The following SLC44A1 variants were observed in gnomAD, a reference collection of about 807,000 sequenced individuals.
The protein encoded by SLC44A1 is choline transporter-like protein 1.
In SLC44A1, 26 loss-of-function variants were observed where a neutral mutation model predicts 79.3. The observed-to-expected ratio is 0.33, with a 90% CI of 0.24 to 0.46. The LOEUF (loss-of-function observed/expected upper bound fraction) is 0.46, where lower values mean the gene tolerates loss of function less well. SLC44A1 is among the 20% of genes least tolerant of loss of function. The probability of loss-of-function intolerance (pLI) is 1.00; values close to 1 mark genes in which losing one functional copy is unlikely to be tolerated. For synonymous variants in SLC44A1, 263 were observed against 286.2 expected (o/e 0.92, Z 0.82); for missense variants, 688 against 798.1 (o/e 0.86, Z 1.66).
intron 5 of SLC44A1, 56 bp from the exon 6 acceptor site, chr9:105,356,156 C>T (rs1319100354): frequency 9.7e-6 from 13 of 1,336,674 alleles, no homozygotes; most frequent in Non-Finnish European, 1.1e-6. Flanking sequence ...TTTGATGTGG[C>T]ATTTATATTA....
At chr9:105,339,405 A>G (rs983574008) in intron 4 of SLC44A1, among the ~76,000 whole-genome samples, 2 of 152,240 alleles carry the variant, frequency 1.3e-5, no homozygotes, top group Non-Finnish European at 2.9e-5. Context: ...CACTTCTGAG[A>G]ATATATCCAA....
chr9:105,364,582 T>C lies in SLC44A1; in HGVS notation c.1115T>C (p.Phe372Ser). Reference protein sequence around the residue: ...TGSPVQNEQGFVEFKISGPLQ... With the variant: ...TGSPVQNEQGSVEFKISGPLQ... ...AGTCCTGTTCAGAATGAGCAAGGCT[T>C]TGTGGAGTTCAAAATTTCTGGGCCT... The change falls in exon 10 of 16, where the codon TTT becomes TCT. Residue 372 changes from phenylalanine to serine, a missense_variant. Coordinates refer to ENST00000374720, the MANE Select transcript of SLC44A1 (RefSeq NM_080546.5). 1.9e-6 allele frequency: 3 copies of C among 1,614,020 alleles called. No homozygotes were observed. The highest frequency in any genetic ancestry group is 1.1e-5 in the South Asian group (1 of 91,042).
intron 15 of SLC44A1, among the ~76,000 whole-genome samples, chr9:105,419,766 T>G (rs546716536): frequency 6.6e-6 from 1 of 151,926 alleles, no homozygotes; most frequent in South Asian, 2.1e-4. Context: ...AATACAAAAA[T>G]TAGCCGGGCA....
intron 7 of SLC44A1, among the ~76,000 whole-genome samples, chr9:105,359,105 T>A (rs902648729): frequency 4.6e-5 from 7 of 152,206 alleles, no homozygotes; most frequent in African/African-American, 1.7e-4. Flanking sequence ...TCACCTGCTG[T>A]ATCTTTTTAA....
At chr9:105,259,018 A>G (rs1352387561) in intron 1 of SLC44A1, among the ~76,000 whole-genome samples, 4 of 151,904 alleles carry the variant, frequency 2.6e-5, no homozygotes, top group Non-Finnish European at 5.9e-5. Context: ...CTCTCTTTAA[A>G]GTCTATGTGT....
intron 15 of SLC44A1, among the ~76,000 whole-genome samples, chr9:105,424,994 C>G (rs765119256): frequency 2.7e-5 from 4 of 149,868 alleles, no homozygotes; most frequent in Non-Finnish European, 5.9e-5. Flanking sequence ...ACTAACTACA[C>G]TCACATTTTG....
chr9:105,275,027 C>T (rs1830166726), intron 1 of SLC44A1, among the ~76,000 whole-genome samples: 1 of 152,040 alleles, frequency 6.6e-6, no homozygotes, highest in African/African-American at 2.4e-5. Context: ...AGTTTAAATT[C>T]TTAACAATAA....
intron 5 of SLC44A1, among the ~76,000 whole-genome samples, chr9:105,349,860 T>G (rs1478803333): frequency 6.6e-6 from 1 of 152,110 alleles, no homozygotes; most frequent in Non-Finnish European, 1.5e-5. Context: ...GGGCAGGATG[T>G]CAGGTGGGGG....
At chr9:105,381,082 C>T (rs1224573942) in intron 13 of SLC44A1, among the ~76,000 whole-genome samples, 1 of 152,156 alleles carries the variant, frequency 6.6e-6, no homozygotes, top group Non-Finnish European at 1.5e-5. Context: ...TTGTTTGAGC[C>T]ATACCTTTTT....
intron 1 of SLC44A1, among the ~76,000 whole-genome samples, chr9:105,284,156 T>C (rs2131259844): frequency 6.6e-6 from 1 of 152,242 alleles, no homozygotes; most frequent in South Asian, 2.1e-4. Context: ...TCCTGGCACC[T>C]AATAGGTGCT....
chr9:105,340,981 T>G (rs1324749145), intron 4 of SLC44A1, among the ~76,000 whole-genome samples: 1 of 152,176 alleles, frequency 6.6e-6, no homozygotes, highest in Non-Finnish European at 1.5e-5. Flanking sequence ...GAAATTAGAT[T>G]GGTATTGTGG....
At chr9:105,412,399 T>A (rs1470181344) in intron 15 of SLC44A1, among the ~76,000 whole-genome samples, 1 of 152,204 alleles carries the variant, frequency 6.6e-6, no homozygotes, top group Non-Finnish European at 1.5e-5. Flanking sequence ...ACTTCCTTAT[T>A]CACTGACGCA....
At chr9:105,309,090 C>T (rs1026628777) in intron 2 of SLC44A1, among the ~76,000 whole-genome samples, 3 of 152,144 alleles carry the variant, frequency 2.0e-5, no homozygotes, top group African/African-American at 7.2e-5. Flanking sequence ...CAGTGCTTCA[C>T]GATGTAATTC....
At chr9:105,339,241 A>C (rs1227063991) in intron 4 of SLC44A1, among the ~76,000 whole-genome samples, 1 of 152,136 alleles carries the variant, frequency 6.6e-6, no homozygotes, top group African/African-American at 2.4e-5. Context: ...TAAAAAAAAA[A>C]CACTGAAAAT....
intron 15 of SLC44A1, among the ~76,000 whole-genome samples, chr9:105,416,382 A>G (rs895585420): frequency 6.6e-6 from 1 of 151,962 alleles, no homozygotes; most frequent in Non-Finnish European, 1.5e-5. Context: ...TATTCCTCTC[A>G]GGGAGGCTCA....
chr9:105,403,248 C>G (rs1287754105), intron 15 of SLC44A1, among the ~76,000 whole-genome samples: 1 of 152,076 alleles, frequency 6.6e-6, no homozygotes, highest in Non-Finnish European at 1.5e-5. Flanking sequence ...TCTTAGCAAC[C>G]TGATAGGAAA....
intron 10 of SLC44A1, 57 bp downstream of exon 10, chr9:105,364,777 G>A: frequency 7.0e-7 from 1 of 1,420,342 alleles, no homozygotes; most frequent in Non-Finnish European, 9.7e-7. Flanking sequence ...GTGTCCGCAG[G>A]CTGGAGGGGA....
At chr9:105,270,696 A>AT (rs1031914092) in intron 1 of SLC44A1, among the ~76,000 whole-genome samples, 82 of 151,982 alleles carry the variant, frequency 5.4e-4, no homozygotes, top group Non-Finnish European at 1.6e-4. Flanking sequence ...ACTTGGCTGT[A>AT]TTTTTTTAAA....
chr9:105,389,797 C>A lies in SLC44A1; in HGVS notation c.*741C>A. 1 of 1,335,854 alleles carries A rather than the reference C, an allele frequency of 7.5e-7. No homozygotes were observed. 82.8% of individuals were successfully genotyped at this position (1,335,854 alleles called of 1,614,324 possible). On this transcript the variant is annotated 3_prime_UTR_variant, in exon 16 of 16. Coordinates refer to ENST00000374720, the MANE Select transcript of SLC44A1 (RefSeq NM_080546.5). The stretch of plus-strand genomic sequence containing the variant: ...TTTCCCTTATATTTTGTCTTTCTTT[C>A]CTTTTTGACTTTAGTAGCATCCTCC...
Sources: allele counts gnomAD v4.1 joint callset (sites outside exome capture counted in the v4.1 genomes callset), GRCh38; gene constraint gnomAD v4.1.1; transcripts MANE v1.5; gene names NCBI Gene and HGNC (gene_info 2026-07-23, HGNC 2026-07-21).